DCLK1: variants seen among roughly 807,000 people sequenced by gnomAD.
The protein encoded by DCLK1 is serine/threonine-protein kinase DCLK1.
In DCLK1, 16 loss-of-function variants were observed where a neutral mutation model predicts 86.2. The ratio of observed to expected loss-of-function variants is 0.19; its 90% CI spans 0.13 to 0.28. DCLK1 has a LOEUF of 0.28. Ranked by LOEUF, DCLK1 falls within the 10% of genes least tolerant of loss-of-function variation. DCLK1 has a pLI of 1.00. For synonymous variants in DCLK1, 369 were observed against 370.5 expected (o/e 1.00, Z 0.05); for missense variants, 590 against 940.2 (o/e 0.63, Z 4.87).
rs988493442 is a variant in DCLK1, at chr13:35,951,103, A to G, written c.724-3646T>C. Among the ~76,000 whole-genome samples, 3 of 152,028 alleles carry G rather than the reference A, an allele frequency of 2.0e-5. 1 individual carries two copies. The highest frequency in any genetic ancestry group is 2.9e-5 in the Non-Finnish European group (2 of 68,006). ...CTCAGAAAGCCATCCATGGCTTACT[A>G]TCCTCAAGTTAAAGTTCATCTTTCT... is the stretch of plus-strand genomic sequence containing the variant. On this transcript the variant is annotated intron_variant, in intron 3 of 16. Coordinates refer to ENST00000360631, the MANE Select transcript of DCLK1 (RefSeq NM_001330071.2).
chr13:36,106,594 A>G (rs985319593), intron 3 of DCLK1, among the ~76,000 whole-genome samples: 5 of 152,202 alleles, frequency 3.3e-5, no homozygotes, highest in African/African-American at 1.2e-4. Context: ...AATCAATAGT[A>G]CACATTCTTT....
At chr13:36,128,127 A>C (rs1220471919) in intron 1 of DCLK1, among the ~76,000 whole-genome samples, 1 of 152,174 alleles carries the variant, frequency 6.6e-6, no homozygotes, top group East Asian at 1.9e-4. Flanking sequence ...GAGTGGCTAA[A>C]ATTTCACACC....
At chr13:35,960,350 C>A (rs753427596) in intron 3 of DCLK1, among the ~76,000 whole-genome samples, 3 of 152,136 alleles carry the variant, frequency 2.0e-5, no homozygotes, top group Non-Finnish European at 4.4e-5. Context: ...CCACCAGGGC[C>A]ATTTAAAACT....
intron 2 of DCLK1, among the ~76,000 whole-genome samples, 181 bp downstream of exon 2, chr13:36,125,581 A>G (rs528885836): frequency 2.0e-5 from 3 of 152,278 alleles, no homozygotes; most frequent in African/African-American, 7.2e-5. Context: ...ACCTGACAAT[A>G]CCATTAATTT....
chr13:35,938,643 C>G (rs947507449), intron 4 of DCLK1, among the ~76,000 whole-genome samples: 2 of 151,748 alleles, frequency 1.3e-5, no homozygotes, highest in Admixed American at 6.6e-5. Flanking sequence ...AAAAAAAGCC[C>G]TAGCGGACAG....
At chr13:35,895,008 G>C (rs1341744027) in intron 4 of DCLK1, among the ~76,000 whole-genome samples, 1 of 152,120 alleles carries the variant, frequency 6.6e-6, no homozygotes, top group Non-Finnish European at 1.5e-5. Context: ...ATGCAGTTGT[G>C]TGATCATGGC....
Position 35,876,510 on chromosome 13 carries a change from T to A in DCLK1, c.824-5170A>T, listed in dbSNP as rs553651380. On this transcript the variant is annotated intron_variant, in intron 4 of 16. Coordinates refer to ENST00000360631, the MANE Select transcript of DCLK1 (RefSeq NM_001330071.2). ...AAAGTTTAGATTTTCCATGTTTTAA[T>A]TAATTTAAATAGGAATTGTATTTTA... 4.6e-5 allele frequency among the ~76,000 whole-genome samples: 7 copies of A among 152,348 alleles called. No individual in the cohort carries two copies. The South Asian group carries it at 6.2e-4, about 14-fold the overall frequency.
chr13:36,042,242 T>G (rs762062840), intron 3 of DCLK1, among the ~76,000 whole-genome samples: 19 of 152,220 alleles, frequency 1.2e-4, no homozygotes, highest in Non-Finnish European at 2.5e-4. Context: ...TATCCTAAAT[T>G]TATTAAACAT....
intron 4 of DCLK1, among the ~76,000 whole-genome samples, chr13:35,874,515 C>G (rs562335360): frequency 1.3e-5 from 2 of 152,232 alleles, no homozygotes; most frequent in African/African-American, 4.8e-5. Context: ...AGAAATGAAT[C>G]AAGGCATTAC....
At chr13:35,977,039 A>C (rs1326425315) in intron 3 of DCLK1, among the ~76,000 whole-genome samples, 1 of 152,230 alleles carries the variant, frequency 6.6e-6, no homozygotes, top group Non-Finnish European at 1.5e-5. Context: ...GAAATAATTC[A>C]AAAAGCTTCA....
At chr13:35,953,850 C>T (rs117032364) in intron 3 of DCLK1, among the ~76,000 whole-genome samples, 446 of 152,312 alleles carry the variant, frequency 2.9e-3, no homozygotes, top group Admixed American at 4.7e-3. Flanking sequence ...GCGCCCTCTT[C>T]AAACGAAACA....
intron 4 of DCLK1, among the ~76,000 whole-genome samples, chr13:35,934,900 T>C (rs988290690): frequency 6.6e-6 from 1 of 151,606 alleles, no homozygotes; most frequent in South Asian, 2.1e-4. Context: ...AGATGCATTT[T>C]AAAAAAAAAT....
intron 4 of DCLK1, among the ~76,000 whole-genome samples, chr13:35,904,789 A>G (rs974215541): frequency 2.6e-5 from 4 of 152,224 alleles, no homozygotes; most frequent in African/African-American, 9.6e-5. Context: ...GGGCACGGAC[A>G]GCATGTACAG....
rs34702154 is a variant in DCLK1, at chr13:35,823,355, G to GCACACACA, written c.1408-488_1408-481dup. Among the ~76,000 whole-genome samples the GCACACACA allele has an allele frequency of 8.5e-3, 1,253 of 147,850 alleles. 8 individuals carry two copies. Among genetic ancestry groups the GCACACACA allele is most frequent in the African/African-American group, 0.027 (1,086 of 40,364 alleles). On this transcript the variant is annotated intron_variant, in intron 10 of 16. Transcript: ENST00000360631. The stretch of plus-strand genomic sequence containing the variant: ...TACTGCCTAGTGAAATTATTAGGAT[G>GCACACACA]CACACACACACACACACACACACAC...
At chr13:36,107,821 G>A (rs1404911421) in intron 3 of DCLK1, among the ~76,000 whole-genome samples, 1 of 152,104 alleles carries the variant, frequency 6.6e-6, no homozygotes, top group Admixed American at 6.6e-5. Flanking sequence ...GTAACTTTTA[G>A]TCTTATTTTA....
intron 3 of DCLK1, among the ~76,000 whole-genome samples, chr13:35,950,667 G>A (rs551917089): frequency 1.3e-3 from 191 of 152,308 alleles, no homozygotes; most frequent in African/African-American, 4.3e-3. Context: ...TCAGATGTTA[G>A]AAGCATTCAT....
At chr13:35,910,689 A>G (rs1276608793) in intron 4 of DCLK1, among the ~76,000 whole-genome samples, 1 of 152,154 alleles carries the variant, frequency 6.6e-6, no homozygotes, top group African/African-American at 2.4e-5. Context: ...CTGTGGCAGC[A>G]CCTTCCTGGC....
chr13:36,107,444 A>C (rs950739290), intron 3 of DCLK1, among the ~76,000 whole-genome samples: 5 of 150,122 alleles, frequency 3.3e-5, no homozygotes, highest in Non-Finnish European at 5.9e-5. Context: ...TTTATAAAGT[A>C]CATGGCCTAT....
intron 5 of DCLK1, among the ~76,000 whole-genome samples, chr13:35,862,900 T>TG (rs35553397): frequency 0.44 from 66,199 of 151,948 alleles, 14,879 homozygotes; most frequent in African/African-American, 0.53. Context: ...TATAGTTACA[T>TG]GCATACAGTC....
Sources: gnomAD v4.1 joint callset for allele counts (sites outside exome capture counted in the v4.1 genomes callset) on GRCh38, gnomAD v4.1.1 for gene constraint, MANE v1.5 for transcripts, NCBI Gene and HGNC (gene_info 2026-07-23, HGNC 2026-07-21) for gene names.